The following HDAC9 variants were observed in gnomAD, a reference collection of about 807,000 sequenced individuals.
HDAC9 encodes MEF-2 interacting transcription repressor (MITR) protein.
Under a neutral mutation model 139.4 loss-of-function variants are expected in HDAC9, and 41 were observed. The ratio of observed to expected loss-of-function variants is 0.29; its 90% confidence interval spans 0.23 to 0.38. The LOEUF is 0.38. Ranked by LOEUF, HDAC9 falls within the 10% of genes least tolerant of loss-of-function variation. HDAC9 has a pLI of 1.00. For synonymous variants in HDAC9, 517 were observed against 476.2 expected (o/e 1.09, Z -1.12); for missense variants, 1,147 against 1,297.0 (o/e 0.88, Z 1.78).
chr7:18,770,014 T>C (rs1400664134), intron 16 of HDAC9, among the ~76,000 whole-genome samples: 1 of 152,196 alleles, frequency 6.6e-6, no homozygotes, highest in Non-Finnish European at 1.5e-5. Flanking sequence ...GATATATACC[T>C]ACAGAATACG....
intron 2 of HDAC9, among the ~76,000 whole-genome samples, chr7:18,544,227 A>T (rs1442822221): frequency 6.6e-6 from 1 of 152,168 alleles, no homozygotes; most frequent in East Asian, 1.9e-4. Context: ...GATTTGAAGG[A>T]TATTTTGAAG....
At chr7:18,228,206 C>T (rs1346917406) in intron 2 of HDAC9, among the ~76,000 whole-genome samples, 1 of 151,978 alleles carries the variant, frequency 6.6e-6, no homozygotes, top group African/African-American at 2.4e-5. Context: ...TTGTTTAATA[C>T]TCCAAGAATT....
At chr7:18,210,335 G>A (rs977127224) in intron 2 of HDAC9, among the ~76,000 whole-genome samples, 5 of 152,166 alleles carry the variant, frequency 3.3e-5, no homozygotes, top group Admixed American at 1.3e-4. Flanking sequence ...GCTTATTAGC[G>A]TCATCGGCTT....
intron 24 of HDAC9, 123 bp from the exon 25 acceptor site, chr7:18,975,683 A>T: frequency 1.1e-6 from 1 of 898,822 alleles, no homozygotes; most frequent in Non-Finnish European, 1.7e-6. Flanking sequence ...AAACCAAATT[A>T]CAACTGTGTA....
At chr7:18,874,650 A>C in intron 22 of HDAC9, 54 bp downstream of exon 22, 1 of 1,048,100 alleles carries the variant, frequency 9.5e-7, no homozygotes, top group Non-Finnish European at 1.5e-6. Context: ...ACCATCTTTT[A>C]GGTCTTTATG....
intron 22 of HDAC9, among the ~76,000 whole-genome samples, chr7:18,923,841 A>G (rs1023122516): frequency 6.6e-6 from 1 of 152,112 alleles, no homozygotes; most frequent in Non-Finnish European, 1.5e-5. Flanking sequence ...CAATGATCCA[A>G]TACGCTATGG....
At chr7:18,753,757 T>C (rs1000495739) in intron 14 of HDAC9, among the ~76,000 whole-genome samples, 1 of 152,132 alleles carries the variant, frequency 6.6e-6, no homozygotes, top group Non-Finnish European at 1.5e-5. Flanking sequence ...GACCTTAGTT[T>C]TGCCATTAAT....
rs201208914 is a variant in HDAC9 at position 18,996,496 on chromosome 7, T to TCAAA, written c.*437_*440dup. ...AGCTTTTTTTGGGGTAATTTGTTTT[T>TCAAA]CAAACAGTCTTAACTTGTTTACAAG... On this transcript the variant is annotated 3_prime_UTR_variant, in exon 26 of 26. Transcript: ENST00000686413. 782 of 163,062 alleles carry TCAAA rather than the reference T, an allele frequency of 4.8e-3. 5 individuals carry two copies. Among genetic ancestry groups the TCAAA allele is most frequent in the African/African-American group, 0.016 (678 of 41,774 alleles). 10.1% of individuals were successfully genotyped at this position (163,062 alleles called of 1,614,324 possible). A position where few individuals can be genotyped will look rare whatever the true frequency, so the allele number is the denominator to read the frequency against.
At chr7:18,815,393 T>G (rs1285908522) in intron 17 of HDAC9, among the ~76,000 whole-genome samples, 1 of 152,198 alleles carries the variant, frequency 6.6e-6, no homozygotes, top group Non-Finnish European at 1.5e-5. Flanking sequence ...AATGGGTTAT[T>G]ATTGCCTTAC....
chr7:18,497,285 T>C (rs1797195148), intron 2 of HDAC9, among the ~76,000 whole-genome samples: 1 of 152,186 alleles, frequency 6.6e-6, no homozygotes, highest in African/African-American at 2.4e-5. Context: ...ATCGTAATTA[T>C]AGATCACCGC....
chr7:18,901,989 A>G (rs1156795232), intron 22 of HDAC9, among the ~76,000 whole-genome samples: 1 of 152,202 alleles, frequency 6.6e-6, no homozygotes, highest in East Asian at 1.9e-4. Context: ...TGGCAGAGGA[A>G]AAGTTACACA....
intron 12 of HDAC9, among the ~76,000 whole-genome samples, chr7:18,717,009 TTTTGGTA>T (rs1784748275): frequency 6.9e-6 from 1 of 145,198 alleles, no homozygotes. Context: ...TTTTTTTTTT[TTTTGGTA>T]TTTTGTTCGC....
At chr7:18,181,416 A>G (rs1249862393) in intron 2 of HDAC9, among the ~76,000 whole-genome samples, 1 of 152,180 alleles carries the variant, frequency 6.6e-6, no homozygotes, top group Non-Finnish European at 1.5e-5. Flanking sequence ...GACAATTTAG[A>G]CTATTGGATT....
At chr7:18,813,029 T>G (rs1421827562) in intron 17 of HDAC9, among the ~76,000 whole-genome samples, 1 of 152,122 alleles carries the variant, frequency 6.6e-6, no homozygotes, top group Non-Finnish European at 1.5e-5. Flanking sequence ...TTTGAAATTG[T>G]CACTTCACCA....
At chr7:18,349,033 C>G (rs1782643908) in intron 1 of HDAC9, among the ~76,000 whole-genome samples, 1 of 152,098 alleles carries the variant, frequency 6.6e-6, no homozygotes, top group Non-Finnish European at 1.5e-5. Context: ...CCACTATAAG[C>G]TATTCCCATA....
chr7:18,347,198 C>T (rs1174367237), intron 1 of HDAC9, among the ~76,000 whole-genome samples: 1 of 152,190 alleles, frequency 6.6e-6, no homozygotes, highest in African/African-American at 2.4e-5. Flanking sequence ...CACCACTCAA[C>T]AATTGCTAGA....
In HDAC9 at chr7:18,147,096, A is replaced by G. The variant is rs72591346; in HGVS notation, c.-96-15133A>G. Among the ~76,000 whole-genome samples the G allele has an allele frequency of 0.011, 1,694 of 152,278 alleles. 64 individuals are homozygous for G. In the East Asian group the frequency reaches 0.11, roughly 10 times the overall value. ...TTGTCTATTTAACAACTTACAGCTT[A>G]TTTAAACTCTTTTTCCTAAATGAAT... On this transcript the variant is annotated intron_variant, in intron 1 of 12. Coordinates refer to the HDAC9 transcript ENST00000417496.
At chr7:18,318,006 G>A (rs746551258) in intron 1 of HDAC9, among the ~76,000 whole-genome samples, 5 of 152,140 alleles carry the variant, frequency 3.3e-5, no homozygotes, top group African/African-American at 4.8e-5. Flanking sequence ...TATGATAATG[G>A]TTGCCTGTAG....
chr7:18,211,470 G>A (rs892637724), intron 2 of HDAC9, among the ~76,000 whole-genome samples: 6 of 152,184 alleles, frequency 3.9e-5, no homozygotes, highest in African/African-American at 7.2e-5. Flanking sequence ...ACGTGCTTCT[G>A]TAGAAGTCTA....
Sources: allele counts gnomAD v4.1 joint callset (sites outside exome capture counted in the v4.1 genomes callset), GRCh38; gene constraint gnomAD v4.1.1; transcripts MANE v1.5; gene names NCBI Gene and HGNC (gene_info 2026-07-23, HGNC 2026-07-21).